Variants in IFT27 observed in about 807,000 individuals in gnomAD.
IFT27 encodes the protein intraflagellar transport 27, also known as intraflagellar transport protein 27 homolog.
IFT27 carries 19 observed loss-of-function variants against 23.9 expected under a neutral mutation model. The ratio of observed to expected loss-of-function variants is 0.79; its 90% CI spans 0.55 to 1.16. The LOEUF (loss-of-function observed/expected upper bound fraction) is 1.16. Ranked by LOEUF, IFT27 falls within the 50% of genes most tolerant of loss-of-function variation. The pLI is 0.00. For synonymous variants in IFT27, 91 were observed against 89.1 expected, an observed-to-expected ratio of 1.02 and a Z score of -0.12; for missense variants, 206 against 228.7, an observed-to-expected ratio of 0.90 and a Z score of 0.64.
rs187894551 is a variant in IFT27 at position 36,758,499 on chromosome 22, C to T, written c.463-90G>A. On this transcript the variant is annotated intron_variant, in intron 6 of 6. Coordinates refer to ENST00000433985, the MANE Select transcript of IFT27 (RefSeq NM_001177701.3). ...CAATGCTTCCCTCATTCGGGGGCTA[C>T]CTACTTTCCACCTCATTTCATCTTC... 4,721 of 968,170 alleles carry T rather than the reference C, an allele frequency of 4.9e-3. 26 individuals are homozygous for T. Among genetic ancestry groups the T allele is most frequent in the South Asian group, 7.3e-3 (555 of 76,026 alleles). The allele number at this position is 968,170 out of a possible 1,614,324, so 60.0% of individuals were successfully genotyped here.
chr22:36,769,717 A>AC (rs1569078229), intron 1 of IFT27, among the ~76,000 whole-genome samples: 1 of 151,994 alleles, frequency 6.6e-6, no homozygotes, highest in African/African-American at 2.4e-5. Flanking sequence ...CACAGCCTAG[A>AC]CTGTCAAGGG....
intron 1 of IFT27, among the ~76,000 whole-genome samples, chr22:36,769,247 T>C (rs530519013): frequency 2.4e-4 from 36 of 152,284 alleles, no homozygotes; most frequent in African/African-American, 8.4e-4. Flanking sequence ...TCATTCACCT[T>C]ACCTGACAGA....
intron 6 of IFT27, chr22:36,761,163 T>C (rs1938080822): frequency 6.6e-6 from 1 of 152,178 alleles, no homozygotes; most frequent in South Asian, 2.1e-4. Context: ...CTCAACAGAG[T>C]TTAACCCGTA....
chr22:36,768,984 T>C (rs1938331737), intron 1 of IFT27, among the ~76,000 whole-genome samples: 1 of 152,208 alleles, frequency 6.6e-6, no homozygotes, highest in South Asian at 2.1e-4. Context: ...CAACACTCCT[T>C]TCCTCGACTT....
intron 6 of IFT27, 105 bp from the exon 7 acceptor site, chr22:36,758,514 A>T: frequency 1.2e-6 from 1 of 852,000 alleles, no homozygotes; most frequent in Non-Finnish European, 2.0e-6. Flanking sequence ...TTTCCACCTC[A>T]TTTCATCTTC....
At chr22:36,759,395 T>C (rs1029559355) in intron 6 of IFT27, 3 of 152,166 alleles carry the variant, frequency 2.0e-5, no homozygotes, top group Non-Finnish European at 4.4e-5. Flanking sequence ...CAAAAGAATT[T>C]TTGTTACCTG....
Position 36,762,978 on chromosome 22 carries a change from T to G in IFT27, c.388A>C (p.Arg130=). ...GCCTCAGCTGAGTCCACTGCTCGTC[T>G]GCCGGCCAGGTCTGTCTTGTTCCCA... ...LVGNKTDLAG[R]RAVDSAEARA... The change falls in exon 6 of 7, where the codon AGA becomes CGA. Residue 130 remains arginine (R), a synonymous_variant. Coordinates refer to ENST00000433985, the MANE Select transcript of IFT27 (RefSeq NM_001177701.3). 1 of 1,607,072 alleles carries G rather than the reference T, an allele frequency of 6.2e-7. No individual in the cohort carries two copies.
intron 4 of IFT27, 43 bp downstream of exon 4, chr22:36,766,095 C>G: frequency 6.6e-7 from 1 of 1,525,034 alleles, no homozygotes; most frequent in South Asian, 1.1e-5. Context: ...AACGTTTTGG[C>G]AGGAGGTGGT....
chr22:36,771,986 G>C (rs1439872852), intron 1 of IFT27, among the ~76,000 whole-genome samples: 1 of 152,084 alleles, frequency 6.6e-6, no homozygotes, highest in Non-Finnish European at 1.5e-5. Flanking sequence ...CCAAATCTGG[G>C]CTCTGCATTC....
intron 6 of IFT27, chr22:36,760,608 C>A (rs1938065560): frequency 6.6e-6 from 1 of 152,202 alleles, no homozygotes; most frequent in African/African-American, 2.4e-5. Context: ...GGCCAGGGTA[C>A]CCCTTCTAGA....
chr22:36,759,107 A>C (rs1389854471), intron 6 of IFT27: 5 of 152,392 alleles, frequency 3.3e-5, no homozygotes, highest in Non-Finnish European at 1.5e-5. Context: ...AGGGGGGACC[A>C]CCTGTGAGAA....
chr22:36,768,908 G>A (rs1209152187), intron 1 of IFT27, among the ~76,000 whole-genome samples: 3 of 152,116 alleles, frequency 2.0e-5, no homozygotes, highest in Non-Finnish European at 2.9e-5. Flanking sequence ...ACCGCCCTCC[G>A]CGGCTTCCAA....
intron 5 of IFT27, chr22:36,763,489 G>A (rs530583569): frequency 1.1e-4 from 33 of 287,592 alleles, no homozygotes; most frequent in South Asian, 9.0e-4. Context: ...CACTTTCCCC[G>A]GTCTATAATG....
intron 1 of IFT27, chr22:36,772,660 A>C (rs1406471724): frequency 3.0e-6 from 3 of 985,340 alleles, no homozygotes; most frequent in East Asian, 1.1e-4. Context: ...CAACTGACTC[A>C]TGCTTGCAGG....
At position 36,763,902 on chromosome 22, in the gene IFT27, G is replaced by T. The variant is rs752338641; in HGVS notation, c.352+17C>A. 6 of 1,533,314 alleles carry T rather than the reference G, an allele frequency of 3.9e-6. No individual in the cohort carries two copies. In the South Asian group the frequency reaches 6.7e-5, roughly 17 times the overall value. The allele number at this position is 1,533,314 out of a possible 1,614,324, so 95.0% of individuals were successfully genotyped here. A position where few individuals can be genotyped will look rare whatever the true frequency, so the allele number is the denominator to read the frequency against. ...ACAGAGATGCCGCTGGGAAACATGGGTGTCTGCAGCCCGTACCTGGGAGAG... is the reference window on the plus strand; with the variant it reads ...ACAGAGATGCCGCTGGGAAACATGGTTGTCTGCAGCCCGTACCTGGGAGAG... On this transcript the variant is annotated intron_variant, in intron 5 of 6. Coordinates refer to ENST00000433985, the MANE Select transcript of IFT27 (RefSeq NM_001177701.3).
At chr22:36,774,006 A>G (rs1169043433) in intron 1 of IFT27, among the ~76,000 whole-genome samples, 1 of 152,230 alleles carries the variant, frequency 6.6e-6, no homozygotes, top group African/African-American at 2.4e-5. Flanking sequence ...TTAAAAAAAA[A>G]AGTAACTTCA....
intron 1 of IFT27, among the ~76,000 whole-genome samples, chr22:36,771,209 T>C (rs990008191): frequency 9.2e-5 from 14 of 152,320 alleles, no homozygotes; most frequent in African/African-American, 3.4e-4. Flanking sequence ...TGCTTCCCTC[T>C]GCTTCCCCAG....
intron 1 of IFT27, among the ~76,000 whole-genome samples, chr22:36,768,785 A>G (rs1381835400): frequency 6.6e-6 from 1 of 151,794 alleles, no homozygotes; most frequent in Non-Finnish European, 1.5e-5. Flanking sequence ...GATTGTTTCC[A>G]TTTGCAGCCT....
chr22:36,769,565 G>T (rs1430518793), intron 1 of IFT27, among the ~76,000 whole-genome samples: 1 of 152,182 alleles, frequency 6.6e-6, no homozygotes, highest in Non-Finnish European at 1.5e-5. Context: ...AGGTTGGCCA[G>T]CCTGATCACA....
Sources: gnomAD v4.1 joint callset for allele counts (sites outside exome capture counted in the v4.1 genomes callset) on GRCh38, gnomAD v4.1.1 for gene constraint, MANE v1.5 for transcripts, NCBI Gene and HGNC (gene_info 2026-07-23, HGNC 2026-07-21) for gene names.